The following SH3GL1 variants were observed in gnomAD, a reference collection of about 807,000 sequenced individuals.
SH3GL1 encodes endophilin-A2.
SH3GL1 carries 21 observed loss-of-function variants against 48.8 expected under a neutral mutation model. The observed-to-expected ratio is 0.43, with a 90% confidence interval of 0.30 to 0.62. The LOEUF (loss-of-function observed/expected upper bound fraction) is 0.62. Among genes scored for constraint, SH3GL1 ranks in the 20% least tolerant of loss-of-function variants. The probability of loss-of-function intolerance (pLI) is 0.11; values close to 1 mark genes in which losing one functional copy is unlikely to be tolerated. For missense variants in SH3GL1, 454 were observed against 503.0 expected (o/e 0.90, Z 0.93); for synonymous variants, 282 against 217.5 (o/e 1.30, Z -2.61).
chr19:4,367,549 T>G lies in SH3GL1; in HGVS notation c.46-555A>C, dbSNP rs1457653032. ...TGCTCTGGTGCCCGTGTCTGCAGGATGGGACAGCCCAGCCCTTGCCCCATG... is the reference window on the plus strand; with the variant it reads ...TGCTCTGGTGCCCGTGTCTGCAGGAGGGGACAGCCCAGCCCTTGCCCCATG... On this transcript the variant is annotated intron_variant, in intron 1 of 9. Coordinates refer to ENST00000269886, the MANE Select transcript of SH3GL1 (RefSeq NM_003025.4). The surrounding 1 kb of genome is among the most constrained non-coding windows in gnomAD (Gnocchi z 4.2). Among the ~76,000 whole-genome samples, 3 of 152,046 alleles carry G rather than the reference T, an allele frequency of 2.0e-5. No individual in the cohort carries two copies. The highest frequency in any genetic ancestry group is 7.2e-5 in the African/African-American group (3 of 41,380).
chr19:4,366,902 C>A, intron 2 of SH3GL1, 24 bp downstream of exon 2: 1 of 1,611,102 alleles, frequency 6.2e-7, no homozygotes, highest in Non-Finnish European at 8.5e-7. Flanking sequence ...CACCACCACA[C>A]AGAGCACGCA....
rs1012651436 is a variant in SH3GL1, at chr19:4,400,399, G to C, written c.-31C>G. ...CGCCCGCCGCCGAGCCTCCCGCCCG[G>C]ACCGCGCCAGCGACAGGCTCCCGGG... On this transcript the variant is annotated 5_prime_UTR_variant, in exon 1 of 10. Transcript: ENST00000269886. This position sits in a 1 kb window ranked among gnomAD's most constrained non-coding sequence, Gnocchi z 4.1. 3 of 1,566,690 alleles carry C rather than the reference G, an allele frequency of 1.9e-6. No individual in the cohort carries two copies. The South Asian group carries it at 3.5e-5, about 18-fold the overall frequency.
intron 1 of SH3GL1, among the ~76,000 whole-genome samples, chr19:4,397,567 A>C (rs1973447697): frequency 1.3e-5 from 2 of 152,196 alleles, no homozygotes; most frequent in African/African-American, 4.8e-5. Context: ...AAAGTGGCCC[A>C]GGAATTCCTC....
At chr19:4,371,250 C>T (rs755039237) in intron 1 of SH3GL1, among the ~76,000 whole-genome samples, 6 of 152,374 alleles carry the variant, frequency 3.9e-5, no homozygotes, top group Admixed American at 6.5e-5. Flanking sequence ...CAGAAATGAA[C>T]TGTGAAGACA....
At position 4,400,195 on chromosome 19, in the gene SH3GL1, T is replaced by C. The variant is rs776113415; in HGVS notation, c.45+129A>G. On this transcript the variant is annotated intron_variant, in intron 1 of 9. Transcript: ENST00000269886. The surrounding 1 kb of genome is among the most constrained non-coding windows in gnomAD (Gnocchi z 4.1). ...CCGTCCGTCCCTTGGTCTTCCCACC[T>C]GGCAGGGGACACGCGCCAACGTCCC... is the stretch of plus-strand genomic sequence containing the variant. The C allele has an allele frequency of 6.9e-6, 7 of 1,012,316 alleles. No homozygotes were observed. Among genetic ancestry groups the C allele is most frequent in the Non-Finnish European group, 9.8e-6 (7 of 714,188 alleles). The allele number at this position is 1,012,316 out of a possible 1,614,324, so 62.7% of individuals were successfully genotyped here. A position where few individuals can be genotyped will look rare whatever the true frequency, so the allele number is the denominator to read the frequency against.
intron 4 of SH3GL1, among the ~76,000 whole-genome samples, chr19:4,364,858 C>T (rs944610375): frequency 5.7e-5 from 6 of 105,120 alleles, no homozygotes; most frequent in Non-Finnish European, 8.1e-5. Context: ...ACTACCACAC[C>T]CGGCTAATTG....
intron 1 of SH3GL1, among the ~76,000 whole-genome samples, chr19:4,386,100 C>G (rs1421174237): frequency 6.6e-6 from 1 of 152,204 alleles, no homozygotes; most frequent in Non-Finnish European, 1.5e-5. Flanking sequence ...AAATTCCAAC[C>G]AGGTCCCTGG....
intron 1 of SH3GL1, among the ~76,000 whole-genome samples, chr19:4,377,049 C>T (rs1973022968): frequency 1.3e-5 from 2 of 152,354 alleles, no homozygotes; most frequent in African/African-American, 2.4e-5. Context: ...CCTGGGCTGA[C>T]ACTGATGGAG....
intron 3 of SH3GL1, among the ~76,000 whole-genome samples, chr19:4,366,284 A>G (rs1160628763): frequency 1.3e-5 from 2 of 152,102 alleles, no homozygotes; most frequent in Non-Finnish European, 2.9e-5. Flanking sequence ...GCCCTGAGGA[A>G]CCAGTCGGCA....
At chr19:4,371,324 G>C (rs1705933174) in intron 1 of SH3GL1, among the ~76,000 whole-genome samples, 1 of 152,252 alleles carries the variant, frequency 6.6e-6, no homozygotes, top group Non-Finnish European at 1.5e-5. Flanking sequence ...TACCCAGAGG[G>C]GTGTGGGCAG....
chr19:4,393,174 T>C (rs182278193), intron 1 of SH3GL1, among the ~76,000 whole-genome samples: 485 of 151,962 alleles, frequency 3.2e-3, no homozygotes, highest in Non-Finnish European at 4.4e-3. Context: ...GGCAGGAGAA[T>C]TGCTTGAACC....
chr19:4,393,588 C>T (rs1286541566), intron 1 of SH3GL1, among the ~76,000 whole-genome samples: 2 of 151,976 alleles, frequency 1.3e-5, no homozygotes, highest in Non-Finnish European at 2.9e-5. Context: ...GTCAGGAGTT[C>T]GAAACCAGCC....
rs1167195146 is a variant in SH3GL1 at position 4,376,022 on chromosome 19, AAG to A, written c.46-9030_46-9029del. Among the ~76,000 whole-genome samples the A allele has an allele frequency of 1.3e-5, 2 of 152,186 alleles. No individual in the cohort carries two copies. The highest frequency in any genetic ancestry group is 1.9e-4 in the East Asian group (1 of 5,184). On this transcript the variant is annotated intron_variant, in intron 1 of 9. Transcript: ENST00000269886. This position sits in a 1 kb window ranked among gnomAD's most constrained non-coding sequence, Gnocchi z 4.3. ...CTGAGGCAATGCATAGCCCTGCAGGAAGAGACTGGAAATGGTCTTGGAGAGAG... is the reference window on the plus strand; with the variant it reads ...CTGAGGCAATGCATAGCCCTGCAGGAAGACTGGAAATGGTCTTGGAGAGAG...
intron 1 of SH3GL1, among the ~76,000 whole-genome samples, chr19:4,379,999 G>T (rs1973089250): frequency 6.6e-6 from 1 of 152,154 alleles, no homozygotes; most frequent in Non-Finnish European, 1.5e-5. Flanking sequence ...TCCCAGGGTG[G>T]CTTCCACTTC....
intron 4 of SH3GL1, 193 bp from the exon 5 acceptor site, chr19:4,364,414 C>T (rs1488771210): frequency 7.9e-6 from 5 of 629,340 alleles, no homozygotes; most frequent in African/African-American, 3.7e-5. Flanking sequence ...GGACCACAGG[C>T]GTTCACCCCC....
rs1972577117 is a variant in SH3GL1 at position 4,360,540 on chromosome 19, CCACAGG to C, written c.*1054_*1059del. Reference sequence around the variant, plus strand: ...CCTGGGGTCCGGAGGCTTCACTGGACCACAGGGGGAGGGGAATGTGAATGTGGCCTG... The same window carrying C: ...CCTGGGGTCCGGAGGCTTCACTGGACGGGAGGGGAATGTGAATGTGGCCTG... On this transcript the variant is annotated 3_prime_UTR_variant, in exon 10 of 10. Transcript: ENST00000269886. 4.3e-6 allele frequency: 1 copy of C among 233,626 alleles called. No individual in the cohort carries two copies. The highest frequency in any genetic ancestry group is 8.4e-6 in the Non-Finnish European group (1 of 118,400). 14.5% of individuals were successfully genotyped at this position (233,626 alleles called of 1,614,324 possible).
chr19:4,381,612 G>A, intron 1 of SH3GL1, among the ~76,000 whole-genome samples: 1 of 80,372 alleles, frequency 1.2e-5, no homozygotes, highest in African/African-American at 5.3e-5. Context: ...CGTCTCCCCT[G>A]CCTCTGTCTC....
At position 4,397,392 on chromosome 19, in the gene SH3GL1, G is replaced by A. The variant is rs188332812; in HGVS notation, c.45+2932C>T. Among the ~76,000 whole-genome samples, 14 of 152,334 alleles carry A rather than the reference G, an allele frequency of 9.2e-5. No homozygotes were observed. The East Asian group carries it at 2.5e-3, about 27-fold the overall frequency. ...CAAGGCGCCATTCACAGATCTGAAC[G>A]CAGGTCATCCTGCTTCCCTTGAGAG... On this transcript the variant is annotated intron_variant, in intron 1 of 9. Coordinates refer to ENST00000269886, the MANE Select transcript of SH3GL1 (RefSeq NM_003025.4).
At chr19:4,378,006 C>T (rs1239332285) in intron 1 of SH3GL1, among the ~76,000 whole-genome samples, 1 of 152,182 alleles carries the variant, frequency 6.6e-6, no homozygotes, top group Non-Finnish European at 1.5e-5. Flanking sequence ...CCACTCGGGA[C>T]AGGCTCTCGT....
Sources: allele counts gnomAD v4.1 joint callset (sites outside exome capture counted in the v4.1 genomes callset), GRCh38; gene constraint gnomAD v4.1.1; non-coding constraint Gnocchi (gnomAD v3.1); transcripts MANE v1.5; gene names NCBI Gene and HGNC (gene_info 2026-07-23, HGNC 2026-07-21).